RPS7: variants seen among roughly 807,000 people sequenced by gnomAD.
The protein encoded by RPS7 is ribosomal protein S7, also known as small ribosomal subunit protein eS7.
In RPS7, 1 loss-of-function variant was observed where a neutral mutation model predicts 22.1. That is an observed-to-expected ratio of 0.05 (90% CI 0.02 to 0.21). The LOEUF (loss-of-function observed/expected upper bound fraction) is 0.21. RPS7 is among the 10% of genes least tolerant of loss of function. The pLI, the probability that RPS7 is intolerant of heterozygous loss-of-function variation, is 1.00. For missense variants in RPS7, 137 were observed against 246.4 expected, an observed-to-expected ratio of 0.56 and a Z score of 2.97; for synonymous variants, 80 against 92.0, an observed-to-expected ratio of 0.87 and a Z score of 0.74.
intron 5 of RPS7, chr2:3,579,415 G>A (rs1265042894): frequency 6.5e-6 from 1 of 154,152 alleles, no homozygotes; most frequent in African/African-American, 2.4e-5. Flanking sequence ...GTAGACTATA[G>A]TGTTATTGTT....
rs202234372 is a variant in RPS7 at position 3,576,579 on chromosome 2, A to G, written c.240A>G (p.Val80=). 6.2e-7 allele frequency: 1 copy of G among 1,614,016 alleles called. No individual in the cohort carries two copies. Among genetic ancestry groups the G allele is most frequent in the East Asian group, 2.2e-5 (1 of 44,878 alleles). The change falls in exon 4 of 7, where the codon GTA becomes GTG. Residue 80 remains valine (V), a synonymous_variant. Coordinates refer to ENST00000645674, the MANE Select transcript of RPS7 (RefSeq NM_001011.4). ...KSFQKIQVRL[V]RELEKKFSGK... ...TCCAGAAAATCCAAGTCCGGCTAGT[A>G]CGCGAATTGGAGAAAAAGTTCAGTG...
intron 5 of RPS7, chr2:3,579,636 T>G: frequency 1.1e-5 from 2 of 185,710 alleles, no homozygotes; most frequent in Admixed American, 1.1e-4. Flanking sequence ...AGGAGCAAGA[T>G]TCCACTGGCA....
intron 6 of RPS7, 193 bp from the exon 7 acceptor site, chr2:3,580,612 G>A: frequency 1.6e-6 from 1 of 630,962 alleles, no homozygotes; most frequent in South Asian, 1.9e-5. Flanking sequence ...CTTCCCCGGT[G>A]CAGTGGTGTA....
intron 1 of RPS7, 22 bp downstream of exon 1, chr2:3,575,372 C>T (rs916211552): frequency 1.1e-5 from 6 of 559,584 alleles, no homozygotes; most frequent in Non-Finnish European, 9.5e-6. Flanking sequence ...GCCTGCTCTC[C>T]GACAGAACTT....
At chr2:3,575,399 G>A (rs1572357523) in intron 1 of RPS7, 49 bp downstream of exon 1, 7 of 581,738 alleles carry the variant, frequency 1.2e-5, no homozygotes, top group East Asian at 1.2e-4. Flanking sequence ...TTGGGTTGAG[G>A]AAAACGCCTT....
At chr2:3,576,685 T>G (rs1459615659) in intron 4 of RPS7, 55 bp downstream of exon 4, 1 of 1,588,476 alleles carries the variant, frequency 6.3e-7, no homozygotes, top group East Asian at 2.2e-5. Context: ...CTAAAATTGC[T>G]TGTATTTAGA....
chr2:3,580,671 A>T, intron 6 of RPS7, 134 bp from the exon 7 acceptor site: 1 of 699,174 alleles, frequency 1.4e-6, no homozygotes, highest in Non-Finnish European at 2.6e-6. Flanking sequence ...GGTCGTGAAG[A>T]CTGCTGCAGA....
intron 5 of RPS7, chr2:3,579,808 C>A: frequency 2.1e-6 from 1 of 484,726 alleles, no homozygotes; most frequent in Non-Finnish European, 3.7e-6. Context: ...TATAAAAGTC[C>A]TCTAATCTCA....
chr2:3,575,949 G>A (rs980417850), intron 3 of RPS7, 61 bp downstream of exon 3: 1 of 1,248,584 alleles, frequency 8.0e-7, no homozygotes, highest in Non-Finnish European at 1.2e-6. Flanking sequence ...CGCAGTGCCT[G>A]AGAGGGTTGG....
rs757321602 is a variant in RPS7 at position 3,577,698 on chromosome 2, T to A, written c.292-12T>A. The A allele has an allele frequency of 5.0e-6, 8 of 1,601,094 alleles. No individual in the cohort carries two copies. On this transcript the variant is annotated splice_polypyrimidine_tract_variant and intron_variant, in intron 4 of 6. Transcript: ENST00000645674. ...TTTTTCATTTTGTTACATGATAATTTTTACCTTACAGAGGAGAATTCTGCC... is the reference window on the plus strand; with the variant it reads ...TTTTTCATTTTGTTACATGATAATTATTACCTTACAGAGGAGAATTCTGCC...
intron 2 of RPS7, 48 bp downstream of exon 2, chr2:3,575,732 G>A (rs758139938): frequency 1.3e-6 from 2 of 1,593,494 alleles, no homozygotes; most frequent in African/African-American, 1.3e-5. Context: ...CGCCCCGCCC[G>A]GGAGGGGAGG....
At chr2:3,579,789 AT>A in intron 5 of RPS7, 1 of 432,840 alleles carries the variant, frequency 2.3e-6, no homozygotes, top group Non-Finnish European at 4.2e-6. Flanking sequence ...ACAAGTGAAA[AT>A]AAAGATGTAT....
At chr2:3,576,341 A>G in intron 3 of RPS7, 146 bp from the exon 4 acceptor site, 1 of 778,458 alleles carries the variant, frequency 1.3e-6, no homozygotes, top group Non-Finnish European at 2.3e-6. Flanking sequence ...ACATTTCCGA[A>G]GGATGCATTT....
chr2:3,576,480 TC>T lies in RPS7; in HGVS notation c.148-6del. 6.2e-7 allele frequency: 1 copy of T among 1,613,758 alleles called. No homozygotes were observed. The highest frequency in any genetic ancestry group is 2.2e-5 in the East Asian group (1 of 44,888). On this transcript the variant is annotated splice_region_variant and splice_polypyrimidine_tract_variant and intron_variant, in intron 3 of 6. Transcript: ENST00000645674. ...TTAACACAGTGGATTTTTGTTTTTT[TC>T]TTTAGGAAATTGAAGTTGGTGGTGG...
At chr2:3,576,701 T>C (rs1465409970) in intron 4 of RPS7, 71 bp downstream of exon 4, 2 of 1,497,444 alleles carry the variant, frequency 1.3e-6, no homozygotes, top group Non-Finnish European at 1.9e-6. Context: ...TTAGACTGCA[T>C]TGGTAGTTGG....
At chr2:3,575,720 G>C (rs1018321351) in intron 2 of RPS7, 36 bp downstream of exon 2, 6 of 1,597,796 alleles carry the variant, frequency 3.8e-6, no homozygotes, top group Non-Finnish European at 4.3e-6. Context: ...GGTGGGGGGA[G>C]GCGCCCCGCC....
Position 3,575,306 on chromosome 2 carries a change from G to A in RPS7, c.-63G>A. 4.3e-6 allele frequency: 2 copies of A among 461,730 alleles called. No individual in the cohort carries two copies. The highest frequency in any genetic ancestry group is 2.4e-5 in the South Asian group (1 of 41,142). 28.6% of individuals were successfully genotyped at this position (461,730 alleles called of 1,614,324 possible). A position where few individuals can be genotyped will look rare whatever the true frequency, so the allele number is the denominator to read the frequency against. ...GCCTTCGGACGCCGGATTTTGACGT[G>A]CTCTCGCGAGATTTGGGTCTCTTCC... is the stretch of plus-strand genomic sequence containing the variant. On this transcript the variant is annotated 5_prime_UTR_variant, in exon 1 of 7. Transcript: ENST00000645674.
rs1222868309 is a variant in RPS7 at position 3,577,744 on chromosome 2, G to A, written c.326G>A (p.Arg109His). 3.1e-6 allele frequency: 5 copies of A among 1,612,870 alleles called. No individual in the cohort carries two copies. Among genetic ancestry groups the A allele is most frequent in the East Asian group, 2.2e-5 (1 of 44,870 alleles). The change falls in exon 5 of 7, where the codon CGT becomes CAT. Residue 109 changes from arginine (R) to histidine (H), a missense_variant. Arg to His is a conservative substitution (Grantham distance 29, BLOSUM62 0). Transcript: ENST00000645674. ...CTGCCTAAGCCAACTCGAAAAAGCC[G>A]TACAAAAAATAAGCAAAAGCGTCCC... is the stretch of plus-strand genomic sequence containing the variant. ...RILPKPTRKS[R>H]TKNKQKRPRS...
At chr2:3,579,972 G>A (rs1276740754) in intron 5 of RPS7, 138 bp from the exon 6 acceptor site, 7 of 823,438 alleles carry the variant, frequency 8.5e-6, no homozygotes, top group Non-Finnish European at 1.3e-5. Context: ...AATATAACAA[G>A]CTTATTTGAA....
Sources: gnomAD v4.1 joint callset for allele counts on GRCh38, gnomAD v4.1.1 for gene constraint, MANE v1.5 for transcripts, NCBI Gene and HGNC (gene_info 2026-07-23, HGNC 2026-07-21) for gene names.